Variants in ZSCAN5C observed in about 807,000 individuals in gnomAD.
ZSCAN5C encodes zinc finger and SCAN domain-containing protein 5C.
A neutral mutation model predicts 17.3 loss-of-function variants in ZSCAN5C; 11 were observed. The observed-to-expected ratio is 0.64, with a 90% CI of 0.40 to 1.06. ZSCAN5C has a LOEUF of 1.06. Ranked by LOEUF, ZSCAN5C falls within the 50% of genes least tolerant of loss-of-function variation. ZSCAN5C has a pLI of 0.00. For missense variants in ZSCAN5C, 698 were observed against 538.9 expected, an observed-to-expected ratio of 1.30 and a Z score of -2.92; for synonymous variants, 229 against 208.4, an observed-to-expected ratio of 1.10 and a Z score of -0.85.
rs2032921695 is a variant in ZSCAN5C, at chr19:56,206,365, A to T, written c.384+68A>T. 2.8e-6 allele frequency: 4 copies of T among 1,418,526 alleles called. No individual in the cohort carries two copies. In the East Asian group the frequency reaches 9.9e-5, roughly 35 times the overall value. The allele number at this position is 1,418,526 out of a possible 1,614,324, so 87.9% of individuals were successfully genotyped here. A position where few individuals can be genotyped will look rare whatever the true frequency, so the allele number is the denominator to read the frequency against. ...GATGGGGGCTGCATGGTGCAGCTGGACTCGAGAGGACCCGAGGGGCTGCTC... is the reference window on the plus strand; with the variant it reads ...GATGGGGGCTGCATGGTGCAGCTGGTCTCGAGAGGACCCGAGGGGCTGCTC... On this transcript the variant is annotated intron_variant, in intron 2 of 4. Coordinates refer to ENST00000534327, the Ensembl canonical transcript of ZSCAN5C.
At chr19:56,208,852 G>A in exon 5 of ZSCAN5C, 1 of 1,569,064 alleles carries the variant, frequency 6.4e-7, no homozygotes, top group Non-Finnish European at 8.8e-7. Context: ...ACACAGGCGA[G>A]AGACTCTTTC....
exon 5 of ZSCAN5C, chr19:56,209,187 C>T (rs950282449): frequency 2.3e-6 from 2 of 852,422 alleles, no homozygotes; most frequent in Non-Finnish European, 1.9e-6. Flanking sequence ...CATCGAGAAG[C>T]CACTTCACAG....
At chr19:56,203,965 T>C (rs1450104157) in intron 1 of ZSCAN5C, among the ~76,000 whole-genome samples, 1 of 151,906 alleles carries the variant, frequency 6.6e-6, no homozygotes, top group African/African-American at 2.4e-5. Context: ...CACTAGGTTT[T>C]TAATTATTGT....
chr19:56,203,113 CT>C (rs1016665607), intron 1 of ZSCAN5C, among the ~76,000 whole-genome samples: 1 of 151,900 alleles, frequency 6.6e-6, no homozygotes, highest in Admixed American at 6.5e-5. Flanking sequence ...ACATGAACCC[CT>C]TTTTTTAGAG....
chr19:56,202,730 T>A (rs1478170574), intron 1 of ZSCAN5C, among the ~76,000 whole-genome samples: 2 of 151,930 alleles, frequency 1.3e-5, no homozygotes, highest in Non-Finnish European at 2.9e-5. Context: ...AATGTTTAAT[T>A]TTTTTTGTAC....
At chr19:56,207,312 G>A (rs1489498417) in intron 3 of ZSCAN5C, 50 bp downstream of exon 3, 4 of 719,584 alleles carry the variant, frequency 5.6e-6, no homozygotes, top group Admixed American at 3.9e-5. Flanking sequence ...GAAGGAACGG[G>A]AGGAAATCGT....
rs544697295 is a variant in ZSCAN5C at position 56,203,699 on chromosome 19, G to A, written c.-128+1377G>A. ...AGTTTTGCTCTTGTTGCCCAGGCTG[G>A]AGTGCAATGGCGCGATCTCTGTTCA... is the stretch of plus-strand genomic sequence containing the variant. On this transcript the variant is annotated intron_variant, in intron 1 of 4. Transcript: ENST00000534327. Among the ~76,000 whole-genome samples the A allele has an allele frequency of 1.5e-3, 224 of 145,576 alleles. 6 individuals are homozygous for A. The highest frequency in any genetic ancestry group is 5.6e-3 in the African/African-American group (214 of 38,134).
chr19:56,205,613 C>A (rs12232868), intron 1 of ZSCAN5C, among the ~76,000 whole-genome samples, 174 bp from the exon 2 acceptor site: 22,716 of 151,772 alleles, frequency 0.15, 2,072 homozygotes, highest in Middle Eastern at 0.34. Context: ...AGATTTTACT[C>A]CAGAACATGT....
At chr19:56,202,462 T>C (rs1201715882) in intron 1 of ZSCAN5C, 140 bp downstream of exon 1, 2 of 152,042 alleles carry the variant, frequency 1.3e-5, no homozygotes, top group Non-Finnish European at 2.9e-5. Context: ...GTTTATTTTT[T>C]CATGCATTTG....
rs761607483 is a variant in ZSCAN5C at position 56,205,982 on chromosome 19, A to G, written c.69A>G (p.Pro23=). ...GCAACAGCCCTGGGTCAGAGCCACC[A>G]CAGTCCATGCCATCCCCAGCAACTC... is the stretch of plus-strand genomic sequence containing the variant. The change falls in exon 2 of 5, where the codon CCA becomes CCG. Residue 23 remains proline (P), a synonymous_variant. Transcript: ENST00000534327. 8 of 1,570,828 alleles carry G rather than the reference A, an allele frequency of 5.1e-6. No individual in the cohort carries two copies. The African/African-American group carries it at 8.2e-5, about 16-fold the overall frequency.
exon 5 of ZSCAN5C, chr19:56,208,875 G>A (rs2032956801): frequency 6.3e-7 from 1 of 1,593,402 alleles, no homozygotes. Flanking sequence ...TGTAATCTCT[G>A]CGGGAAGCGC....
At chr19:56,205,235 T>G (rs2032908466) in intron 1 of ZSCAN5C, among the ~76,000 whole-genome samples, 1 of 151,892 alleles carries the variant, frequency 6.6e-6, no homozygotes, top group Non-Finnish European at 1.5e-5. Context: ...ATGATGAAAT[T>G]ATGAATGTGC....
chr19:56,204,171 C>A (rs1338745353), intron 1 of ZSCAN5C, among the ~76,000 whole-genome samples: 2 of 150,234 alleles, frequency 1.3e-5, no homozygotes, highest in South Asian at 4.2e-4. Context: ...TCCCTCTATC[C>A]CTCCAGAGTT....
chr19:56,204,388 CTT>C (rs1161543254), intron 1 of ZSCAN5C, among the ~76,000 whole-genome samples: 1 of 151,430 alleles, frequency 6.6e-6, no homozygotes, highest in Non-Finnish European at 1.5e-5. Flanking sequence ...TTCCATGTGT[CTT>C]TTTGGGAACA....
exon 2 of ZSCAN5C, chr19:56,205,886 A>T: frequency 1.1e-6 from 1 of 947,192 alleles, no homozygotes; most frequent in Non-Finnish European, 1.7e-6. Flanking sequence ...GCTTTCCCAG[A>T]GACAGATTGA....
chr19:56,209,117 T>C (rs1198743011), exon 5 of ZSCAN5C: 1 of 1,561,882 alleles, frequency 6.4e-7, no homozygotes, highest in Non-Finnish European at 8.8e-7. Flanking sequence ...ACCCCACAAA[T>C]GTTCCAAGTG....
chr19:56,208,739 C>T lies in ZSCAN5C; in HGVS notation c.1030C>T (p.His344Tyr), dbSNP rs904991111. The T allele has an allele frequency of 5.6e-6, 9 of 1,610,744 alleles. No homozygotes were observed. The African/African-American group carries it at 1.2e-4, about 22-fold the overall frequency. ...CCCAGGCCCTGCGGGCCCAGTCAGT[C>T]ACCCCAGTGGCCAAGAAGTCAAGGA... is the stretch of plus-strand genomic sequence containing the variant. Residue 344 changes from histidine to tyrosine, a missense_variant, in exon 5 of 5, where the codon CAC becomes TAC. His to Tyr is a moderately conservative substitution (Grantham distance 83). Around this residue, in one of 3 missense-constraint regions of ZSCAN5C, gnomAD observed 554 missense variants for 390.5 expected, o/e 1.42. Transcript: ENST00000534327.
intron 1 of ZSCAN5C, among the ~76,000 whole-genome samples, chr19:56,205,475 G>T (rs560265942): frequency 6.6e-6 from 1 of 152,052 alleles, no homozygotes; most frequent in Admixed American, 6.5e-5. Context: ...TGTTATATCA[G>T]ATTTTAGGCG....
rs1041870976 is a variant in ZSCAN5C, at chr19:56,206,321, T to C, written c.384+24T>C. 1.8e-5 allele frequency: 26 copies of C among 1,481,042 alleles called. No individual in the cohort carries two copies. In the African/African-American group the frequency reaches 3.2e-4, roughly 18 times the overall value. The allele number at this position is 1,481,042 out of a possible 1,614,324, so 91.7% of individuals were successfully genotyped here. A position where few individuals can be genotyped will look rare whatever the true frequency, so the allele number is the denominator to read the frequency against. On this transcript the variant is annotated intron_variant, in intron 2 of 4. Coordinates refer to ENST00000534327, the Ensembl canonical transcript of ZSCAN5C. The stretch of plus-strand genomic sequence containing the variant: ...GGGTGAGTGGGACCCTCGTGATTGG[T>C]GCAGGGAAGGGGAGCTGGGATGGGG...
Sources: gnomAD v4.1 joint callset for allele counts (sites outside exome capture counted in the v4.1 genomes callset) on GRCh38, gnomAD v4.1.1 for gene constraint, gnomAD v4.1.1 regional missense constraint, MANE v1.5 for transcripts, NCBI Gene and HGNC (gene_info 2026-07-23, HGNC 2026-07-21) for gene names.